The following NFILZ variants were observed in gnomAD, a reference collection of about 807,000 sequenced individuals.
NFILZ encodes NFIL3 like basic leucine zipper, also known as NFIL3 like protein.
intron 4 of NFILZ, among the ~76,000 whole-genome samples, chr19:8,674,902 G>A (rs185336398): frequency 2.6e-5 from 4 of 152,188 alleles, no homozygotes; most frequent in Non-Finnish European, 2.9e-5. Flanking sequence ...AAGTTACTAC[G>A]GTTTATCTTA....
rs2042891351 is a variant in NFILZ, at chr19:8,635,690, T to C, written c.-220T>C. 1.3e-5 allele frequency: 2 copies of C among 152,164 alleles called. No individual in the cohort carries two copies. Among genetic ancestry groups the C allele is most frequent in the Admixed American group, 6.6e-5 (1 of 15,254 alleles). The allele number at this position is 152,164 out of a possible 1,614,324, so 9.4% of individuals were successfully genotyped here. ...CCAGTTTTGGTGACGAATGCCCAAA[T>C]TCATAGGCGATGATAAATAATGTGC... On this transcript the variant is annotated 5_prime_UTR_variant, in exon 3 of 6. Coordinates refer to ENST00000691075, the MANE Select transcript of NFILZ (RefSeq NM_001378600.1).
chr19:8,679,374 T>TG lies in NFILZ; in HGVS notation c.*1745dup, dbSNP rs1196015574. ...CCAATCATGGGGAGAGCTCATGGGATGGGGGGCTCATCTGGACTGGTACTG... is the reference window on the plus strand; with the variant it reads ...CCAATCATGGGGAGAGCTCATGGGATGGGGGGGCTCATCTGGACTGGTACTG... On this transcript the variant is annotated 3_prime_UTR_variant, in exon 6 of 6. Coordinates refer to ENST00000691075, the MANE Select transcript of NFILZ (RefSeq NM_001378600.1). 1.3e-5 allele frequency among the ~76,000 whole-genome samples: 2 copies of TG among 151,812 alleles called. No individual in the cohort carries two copies. The highest frequency in any genetic ancestry group is 2.9e-5 in the Non-Finnish European group (2 of 67,976).
intron 3 of NFILZ, among the ~76,000 whole-genome samples, chr19:8,647,889 G>A (rs912287763): frequency 1.3e-5 from 2 of 150,552 alleles, no homozygotes; most frequent in Non-Finnish European, 3.0e-5. Flanking sequence ...GAAAAATAGG[G>A]AAGCCAGGTG....
chr19:8,654,247 A>AAAAC lies in NFILZ; in HGVS notation c.-164+18518_-164+18521dup, dbSNP rs1356661265. ...AATTCTGTCTCAAAACAAACAAACA[A>AAAAC]AAACAAACAAACAAACAAACCAAAA... On this transcript the variant is annotated intron_variant, in intron 3 of 5. Coordinates refer to ENST00000691075, the MANE Select transcript of NFILZ (RefSeq NM_001378600.1). Among the ~76,000 whole-genome samples the AAAAC allele has an allele frequency of 3.8e-4, 57 of 151,230 alleles. 1 individual carries two copies. Among genetic ancestry groups the AAAAC allele is most frequent in the South Asian group, 1.3e-3 (6 of 4,776 alleles).
At chr19:8,639,618 T>C (rs2042910328) in intron 3 of NFILZ, among the ~76,000 whole-genome samples, 2 of 150,278 alleles carry the variant, frequency 1.3e-5, no homozygotes, top group Non-Finnish European at 3.0e-5. Flanking sequence ...AAAAAAAAGA[T>C]TTGCAGAAAG....
chr19:8,664,993 C>T (rs1407411697), intron 3 of NFILZ, among the ~76,000 whole-genome samples: 1 of 152,106 alleles, frequency 6.6e-6, no homozygotes, highest in East Asian at 1.9e-4. Context: ...CACCTTCATC[C>T]CTCTCTCTGT....
Position 8,636,883 on chromosome 19 carries a change from C to T in NFILZ, c.-164+1137C>T, listed in dbSNP as rs782104690. 3.5e-4 allele frequency among the ~76,000 whole-genome samples: 53 copies of T among 152,138 alleles called. 1 individual carries two copies. The highest frequency in any genetic ancestry group is 3.2e-3 in the Middle Eastern group (1 of 316). On this transcript the variant is annotated intron_variant, in intron 3 of 5. Coordinates refer to ENST00000691075, the MANE Select transcript of NFILZ (RefSeq NM_001378600.1). ...TTGGGATTACAGGCATTAGCCATTGCGCCTGGCCTATATGGAGGCTTTTGT... is the reference window on the plus strand; with the variant it reads ...TTGGGATTACAGGCATTAGCCATTGTGCCTGGCCTATATGGAGGCTTTTGT...
At position 8,655,355 on chromosome 19, in the gene NFILZ, A is replaced by AG. The variant is rs1185040800; in HGVS notation, c.-163-19192dup. ...CTCAGACTCCACTTACTGGGCTCCC[A>AG]GGGGCTGGACAAGCAGGTCTTCCTC... On this transcript the variant is annotated intron_variant, in intron 3 of 5. Transcript: ENST00000691075. Among the ~76,000 whole-genome samples, 14 of 152,260 alleles carry AG rather than the reference A, an allele frequency of 9.2e-5. No individual in the cohort carries two copies. The East Asian group carries it at 2.5e-3, about 27-fold the overall frequency.
intron 3 of NFILZ, among the ~76,000 whole-genome samples, chr19:8,653,038 T>TTCTCTCTCCCTCTC (rs2042975354): frequency 4.2e-4 from 38 of 90,580 alleles, no homozygotes; most frequent in Non-Finnish European, 5.4e-4. Context: ...CTTTCTTTCT[T>TTCTCTCTCCCTCTC]TCTCTCTCTC....
intron 3 of NFILZ, among the ~76,000 whole-genome samples, chr19:8,666,127 G>C (rs1182822399): frequency 6.6e-6 from 1 of 151,754 alleles, no homozygotes; most frequent in Non-Finnish European, 1.5e-5. Flanking sequence ...TCTTCATCTG[G>C]GGTGTCTTTG....
At chr19:8,665,330 T>C (rs2043057075) in intron 3 of NFILZ, among the ~76,000 whole-genome samples, 1 of 152,078 alleles carries the variant, frequency 6.6e-6, no homozygotes. Flanking sequence ...TGAGGGACCA[T>C]TCTTTCATGA....
chr19:8,677,934 C>CCATCCATT lies in NFILZ; in HGVS notation c.*313_*320dup, dbSNP rs1268492284. On this transcript the variant is annotated 3_prime_UTR_variant, in exon 6 of 6. Coordinates refer to ENST00000691075, the MANE Select transcript of NFILZ (RefSeq NM_001378600.1). Reference sequence around the variant, plus strand: ...TCCATTTATCTATTCTTCCCTATAGCCATCCATTCATCCATTCATCCTCAT... The same window carrying CCATCCATT: ...TCCATTTATCTATTCTTCCCTATAGCCATCCATTCATCCATTCATCCATTCATCCTCAT... Among the ~76,000 whole-genome samples the CCATCCATT allele has an allele frequency of 1.3e-5, 2 of 152,070 alleles. No individual in the cohort carries two copies. The highest frequency in any genetic ancestry group is 1.9e-4 in the East Asian group (1 of 5,148).
At chr19:8,649,413 A>G (rs1247828329) in intron 3 of NFILZ, among the ~76,000 whole-genome samples, 1 of 151,944 alleles carries the variant, frequency 6.6e-6, no homozygotes, top group African/African-American at 2.4e-5. Context: ...TTACAGGTGC[A>G]TGCCATCACG....
intron 3 of NFILZ, among the ~76,000 whole-genome samples, chr19:8,652,328 C>T (rs112075428): frequency 0.019 from 2,892 of 152,248 alleles, 36 homozygotes; most frequent in Non-Finnish European, 0.032. Context: ...TGGTCTCGAT[C>T]TCCTGACCTA....
chr19:8,663,738 G>GTGTATGTGTGTGTA (rs2043045825), intron 3 of NFILZ, among the ~76,000 whole-genome samples: 1 of 23,924 alleles, frequency 4.2e-5, no homozygotes, highest in Non-Finnish European at 8.6e-5. Context: ...GTGTGTGTGT[G>GTGTATGTGTGTGTA]TGTGTGTGTG....
intron 3 of NFILZ, among the ~76,000 whole-genome samples, chr19:8,652,838 C>CTTTCTTTCTTTCCT: frequency 6.9e-6 from 1 of 145,558 alleles, no homozygotes; most frequent in Non-Finnish European, 1.5e-5. Flanking sequence ...CTCACTTTCT[C>CTTTCTTTCTTTCCT]TTTCTTTCTT....
intron 3 of NFILZ, among the ~76,000 whole-genome samples, chr19:8,655,477 G>A (rs922480721): frequency 1.3e-5 from 2 of 152,166 alleles, no homozygotes; most frequent in Non-Finnish European, 2.9e-5. Flanking sequence ...CACCAGGTGC[G>A]GGGACACCCC....
chr19:8,676,472 C>T lies in NFILZ; in HGVS notation c.-16+16C>T, dbSNP rs1170654648. Among the ~76,000 whole-genome samples, 1 of 152,166 alleles carries T rather than the reference C, an allele frequency of 6.6e-6. No homozygotes were observed. Among genetic ancestry groups the T allele is most frequent in the African/African-American group, 2.4e-5 (1 of 41,434 alleles). ...CTTCTCAACAGTAAGGAGAACACCC[C>T]TGGAAGAGCATGTGTCCTTCTGAGG... On this transcript the variant is annotated intron_variant, in intron 5 of 5. Transcript: ENST00000691075.
intron 3 of NFILZ, among the ~76,000 whole-genome samples, chr19:8,665,528 A>C (rs11883387): frequency 0.061 from 9,225 of 152,146 alleles, 902 homozygotes; most frequent in African/African-American, 0.21. Flanking sequence ...TTTAAGAGAG[A>C]TGGGGTCTTG....
Sources: allele counts gnomAD v4.1 joint callset (sites outside exome capture counted in the v4.1 genomes callset), GRCh38; gene constraint gnomAD v4.1.1; transcripts MANE v1.5; gene names NCBI Gene and HGNC (gene_info 2026-07-23, HGNC 2026-07-21).